The following IL5RA variants were observed in gnomAD, a reference collection of about 807,000 sequenced individuals.
IL5RA encodes interleukin-5 receptor subunit alpha.
IL5RA carries 49 observed loss-of-function variants against 50.0 expected under a neutral mutation model. The ratio of observed to expected loss-of-function variants is 0.98; its 90% CI spans 0.78 to 1.24. IL5RA has a LOEUF of 1.24. Ranked by LOEUF, IL5RA falls within the 50% of genes most tolerant of loss-of-function variation. The pLI is 0.00. For synonymous variants in IL5RA, 202 were observed against 174.0 expected (o/e 1.16, Z -1.26); for missense variants, 600 against 500.4 (o/e 1.20, Z -1.90).
intron 9 of IL5RA, among the ~76,000 whole-genome samples, chr3:3,088,298 C>T (rs1448502111): frequency 6.6e-6 from 1 of 152,160 alleles, no homozygotes; most frequent in African/African-American, 2.4e-5. Context: ...GTTTGTAGTG[C>T]AGCACTTATA....
chr3:3,109,211 T>C (rs528458585), intron 1 of IL5RA, among the ~76,000 whole-genome samples: 1 of 152,232 alleles, frequency 6.6e-6, no homozygotes, highest in Non-Finnish European at 1.5e-5. Context: ...TTGCTTTAGG[T>C]AAATACATTA....
chr3:3,098,279 T>C lies in IL5RA; in HGVS notation c.379A>G (p.Thr127Ala). The C allele has an allele frequency of 6.2e-7, 1 of 1,613,886 alleles. No individual in the cohort carries two copies. Among genetic ancestry groups the C allele is most frequent in the Non-Finnish European group, 8.5e-7 (1 of 1,179,770 alleles). ...ELHAPPGSPG[T>A]SIVNLTCTTN... ...GTGCAAGTTAAATTCACAATTGAGG[T>C]TCCAGGAGACCCTAGGTAGTCAAAA... Residue 127 changes from threonine (T) to alanine (A), a missense_variant, in exon 6 of 12, where the codon ACC becomes GCC. Physicochemically the swap from Thr to Ala is moderately conservative, Grantham distance 58 (BLOSUM62 0). Transcript: ENST00000446632.
chr3:3,077,682 C>T (rs1305045975), intron 9 of IL5RA, among the ~76,000 whole-genome samples: 1 of 152,126 alleles, frequency 6.6e-6, no homozygotes, highest in Non-Finnish European at 1.5e-5. Flanking sequence ...GGCACAAAAT[C>T]GCTTGAACAC....
chr3:3,100,935 C>T (rs1703616621), intron 5 of IL5RA, among the ~76,000 whole-genome samples: 2 of 150,958 alleles, frequency 1.3e-5, no homozygotes, highest in Non-Finnish European at 2.9e-5. Flanking sequence ...TGGCTGGAGG[C>T]CAGGAGATCG....
intron 9 of IL5RA, chr3:3,090,383 C>T (rs1703036013): frequency 2.9e-6 from 2 of 694,368 alleles, no homozygotes; most frequent in Non-Finnish European, 2.5e-6. Context: ...TCTTATAGAC[C>T]TAGTGCAACA....
intron 9 of IL5RA, among the ~76,000 whole-genome samples, chr3:3,077,502 T>C (rs565840653): frequency 1.5e-4 from 23 of 152,192 alleles, no homozygotes; most frequent in Non-Finnish European, 2.5e-4. Context: ...GTGCAGTGGC[T>C]CACGCCTGTA....
rs200073038 is a variant in IL5RA at position 3,070,276 on chromosome 3, G to A, written c.1212C>T (p.Ile404=). Residue 404 remains isoleucine, a synonymous_variant, in exon 12 of 12, where the codon ATC becomes ATT. Transcript: ENST00000446632. ...CAACTCCAGGCTTCTCTATATAACA[G>A]ATGACTTCAATTTCCGTCTCACTGG... ...AGSSETEIEV[I]CYIEKPGVET... is the part of the protein sequence containing the mutation. 2.5e-6 allele frequency: 4 copies of A among 1,613,286 alleles called. No homozygotes were observed. Among genetic ancestry groups the A allele is most frequent in the Non-Finnish European group, 3.4e-6 (4 of 1,179,496 alleles).
chr3:3,072,252 G>A (rs567972907), intron 11 of IL5RA, among the ~76,000 whole-genome samples: 1 of 152,318 alleles, frequency 6.6e-6, no homozygotes, highest in East Asian at 1.9e-4. Flanking sequence ...CACAGCACCA[G>A]GCAGTACTTC....
intron 8 of IL5RA, among the ~76,000 whole-genome samples, chr3:3,093,814 G>A (rs996522809): frequency 2.0e-5 from 3 of 152,224 alleles, no homozygotes; most frequent in African/African-American, 7.2e-5. Context: ...TTCTCACAAA[G>A]AAGCCAATTT....
At chr3:3,100,884 T>A (rs1020616287) in intron 5 of IL5RA, among the ~76,000 whole-genome samples, 2 of 151,858 alleles carry the variant, frequency 1.3e-5, no homozygotes, top group Non-Finnish European at 2.9e-5. Context: ...CGGTGGCTCA[T>A]GTCTGTAACC....
chr3:3,074,910 CT>C (rs1401210311), intron 10 of IL5RA, 44 bp from the exon 11 acceptor site: 1 of 1,164,008 alleles, frequency 8.6e-7, no homozygotes, highest in Non-Finnish European at 1.3e-6. Flanking sequence ...ATGAGTATAC[CT>C]TTTGTCTCTA....
At chr3:3,081,689 G>A (rs1037770279) in intron 9 of IL5RA, among the ~76,000 whole-genome samples, 9 of 152,170 alleles carry the variant, frequency 5.9e-5, no homozygotes, top group African/African-American at 2.2e-4. Context: ...ATTCACTTCA[G>A]CCCTCACTTT....
rs1457506217 is a variant in IL5RA at position 3,104,977 on chromosome 3, A to T, written c.8T>A (p.Ile3Asn). The T allele has an allele frequency of 8.7e-6, 14 of 1,610,658 alleles. No individual in the cohort carries two copies. The highest frequency in any genetic ancestry group is 1.2e-5 in the Non-Finnish European group (14 of 1,177,182). ...AAGGATGAGTAATACATGCGCCACG[A>T]TGATCATATCCTACAGAAAACAAGG... MI[I>N]VAHVLLILLG... is the part of the protein sequence containing the mutation. Residue 3 changes from isoleucine to asparagine, a missense_variant, in exon 3 of 12, where the codon ATC becomes AAC. Physicochemically the swap from Ile to Asn is moderately radical, Grantham distance 149. Transcript: ENST00000446632.
In IL5RA at chr3:3,092,953, C is replaced by A. The variant is rs569386595; in HGVS notation, c.856-591G>T. On this transcript the variant is annotated intron_variant, in intron 8 of 11. Coordinates refer to ENST00000446632, the MANE Select transcript of IL5RA (RefSeq NM_175726.4). The surrounding 1 kb of genome is among the most constrained non-coding windows in gnomAD (Gnocchi z 4.2). ...TAGCTCTTATTATCTTTTGCTTGGA[C>A]CTTTGCAGTAGCCGCTAACTGATAT... Among the ~76,000 whole-genome samples the A allele has an allele frequency of 6.6e-6, 1 of 152,070 alleles. No individual in the cohort carries two copies. The highest frequency in any genetic ancestry group is 2.4e-5 in the African/African-American group (1 of 41,412).
intron 9 of IL5RA, among the ~76,000 whole-genome samples, chr3:3,086,241 A>G (rs73805626): frequency 0.017 from 2,629 of 152,308 alleles, 79 homozygotes; most frequent in African/African-American, 0.06. Flanking sequence ...ATGACTATGG[A>G]AAAATTTATT....
chr3:3,076,486 G>T, intron 10 of IL5RA, 45 bp downstream of exon 10: 1 of 1,202,858 alleles, frequency 8.3e-7, no homozygotes, highest in Non-Finnish European at 1.2e-6. Flanking sequence ...TAAAAATGCA[G>T]TACTGAAACC....
In IL5RA at chr3:3,104,391, C is replaced by A. The variant is rs552000787; in HGVS notation, c.82+512G>T. ...TTGCACTATCCATATTTCAAGGGCG[C>A]AATAGTCACATATGGCTAGTGGCTA... On this transcript the variant is annotated intron_variant, in intron 3 of 11. Coordinates refer to ENST00000446632, the MANE Select transcript of IL5RA (RefSeq NM_175726.4). Among the ~76,000 whole-genome samples, 210 of 152,224 alleles carry A rather than the reference C, an allele frequency of 1.4e-3. 1 individual carries two copies. Among genetic ancestry groups the A allele is most frequent in the African/African-American group, 4.8e-3 (198 of 41,526 alleles).
intron 3 of IL5RA, among the ~76,000 whole-genome samples, chr3:3,104,563 G>C (rs941573957): frequency 1.4e-5 from 2 of 147,242 alleles, no homozygotes; most frequent in Non-Finnish European, 3.0e-5. Flanking sequence ...ACAAAATGCA[G>C]TGGAAGTTTC....
At chr3:3,076,456 C>G in intron 10 of IL5RA, 75 bp downstream of exon 10, 1 of 924,778 alleles carries the variant, frequency 1.1e-6, no homozygotes, top group Non-Finnish European at 1.7e-6. Flanking sequence ...CCTCTGCCTA[C>G]CGGATGCATG....
Sources: gnomAD v4.1 joint callset for allele counts (sites outside exome capture counted in the v4.1 genomes callset) on GRCh38, gnomAD v4.1.1 for gene constraint, Gnocchi (gnomAD v3.1) non-coding constraint, MANE v1.5 for transcripts, NCBI Gene and HGNC (gene_info 2026-07-23, HGNC 2026-07-21) for gene names.